TLK1: variants seen among roughly 807,000 people sequenced by gnomAD.
TLK1 encodes serine/threonine-protein kinase tousled-like 1.
TLK1 carries 24 observed loss-of-function variants against 105.3 expected under a neutral mutation model. The ratio of observed to expected loss-of-function variants is 0.23; its 90% confidence interval spans 0.17 to 0.32. TLK1 has a LOEUF of 0.32. Ranked by LOEUF, TLK1 falls within the 10% of genes least tolerant of loss-of-function variation. TLK1 has a pLI of 1.00. For synonymous variants in TLK1, 321 were observed against 310.4 expected (o/e 1.03, Z -0.36); for missense variants, 558 against 910.5 (o/e 0.61, Z 4.98).
intron 1 of TLK1, among the ~76,000 whole-genome samples, chr2:171,220,676 A>G (rs1420412410): frequency 1.3e-5 from 2 of 151,902 alleles, no homozygotes; most frequent in African/African-American, 4.8e-5. Flanking sequence ...TCAACTAGCC[A>G]GCCAAGTTTC....
chr2:171,215,815 G>T (rs923314553), intron 1 of TLK1, among the ~76,000 whole-genome samples: 2 of 152,142 alleles, frequency 1.3e-5, no homozygotes, highest in African/African-American at 4.8e-5. Context: ...TTAGAAGGAG[G>T]CCCCAGCGGG....
At chr2:171,126,528 A>T (rs1195746894) in intron 1 of TLK1, among the ~76,000 whole-genome samples, 1 of 152,152 alleles carries the variant, frequency 6.6e-6, no homozygotes, top group Non-Finnish European at 1.5e-5. Context: ...TCATTATATA[A>T]TTTTTTAGTT....
chr2:171,129,502 G>GAA (rs369393906), intron 1 of TLK1, among the ~76,000 whole-genome samples: 10 of 152,226 alleles, frequency 6.6e-5, no homozygotes, highest in African/African-American at 2.4e-4. Context: ...AGTCCAAGTT[G>GAA]AATACGATCT....
At chr2:171,193,490 A>G (rs1339793008) in intron 1 of TLK1, among the ~76,000 whole-genome samples, 3 of 145,582 alleles carry the variant, frequency 2.1e-5, no homozygotes, top group East Asian at 2.0e-4. Flanking sequence ...TCCGCCTCCC[A>G]GGTTCACGCC....
intron 3 of TLK1, among the ~76,000 whole-genome samples, chr2:171,076,905 T>G (rs1006105936): frequency 6.6e-6 from 1 of 151,168 alleles, no homozygotes; most frequent in Non-Finnish European, 1.5e-5. Context: ...CGAGTGAGAC[T>G]CTGTCTCAAA....
chr2:171,163,139 A>G (rs553316020), upstream of TLK1, among the ~76,000 whole-genome samples: 121 of 152,326 alleles, frequency 7.9e-4, no homozygotes, highest in Middle Eastern at 6.8e-3. Context: ...AGATTCGTCC[A>G]CATTGTTGCA....
intron 1 of TLK1, among the ~76,000 whole-genome samples, chr2:171,172,557 G>T (rs1021733718): frequency 5.3e-5 from 8 of 152,118 alleles, no homozygotes; most frequent in African/African-American, 1.7e-4. Flanking sequence ...TGGAGGTGGG[G>T]CCTGGTGGGA....
intron 2 of TLK1, among the ~76,000 whole-genome samples, chr2:171,097,205 G>C (rs1689488117): frequency 6.6e-6 from 1 of 152,166 alleles, no homozygotes; most frequent in South Asian, 2.1e-4. Context: ...TTTGGCAAAA[G>C]TGCCGAGAAC....
At chr2:171,152,349 T>TG (rs1273210220) in intron 1 of TLK1, among the ~76,000 whole-genome samples, 1 of 152,206 alleles carries the variant, frequency 6.6e-6, no homozygotes, top group Non-Finnish European at 1.5e-5. Flanking sequence ...TCAGACCTAA[T>TG]GATGAAGCCA....
chr2:171,001,185 T>G (rs10173931), intron 18 of TLK1, among the ~76,000 whole-genome samples: 24,004 of 152,172 alleles, frequency 0.16, 3,646 homozygotes, highest in African/African-American at 0.39. Flanking sequence ...TCTTCAGTGG[T>G]GTAATCCTTC....
Position 171,118,023 on chromosome 2 carries a change from T to G in TLK1, c.140-166A>C, listed in dbSNP as rs566922064. Among the ~76,000 whole-genome samples the G allele has an allele frequency of 5.3e-5, 8 of 152,304 alleles. No individual in the cohort carries two copies. The East Asian group carries it at 1.5e-3, about 29-fold the overall frequency. The stretch of plus-strand genomic sequence containing the variant: ...TTATTTTTAAATGTACACATCAACT[T>G]ATCAAAACATCCTACAATGGATTTC... On this transcript the variant is annotated intron_variant, in intron 1 of 20. Coordinates refer to ENST00000431350, the MANE Select transcript of TLK1 (RefSeq NM_012290.5).
intron 12 of TLK1, among the ~76,000 whole-genome samples, chr2:171,027,076 C>G (rs1685809427): frequency 6.6e-6 from 1 of 152,088 alleles, no homozygotes; most frequent in Admixed American, 6.5e-5. Context: ...TAATAATTTT[C>G]TATTCCCTAT....
At chr2:171,181,475 G>A (rs1692927340) in intron 1 of TLK1, among the ~76,000 whole-genome samples, 1 of 152,294 alleles carries the variant, frequency 6.6e-6, no homozygotes, top group African/African-American at 2.4e-5. Flanking sequence ...GAATGCCTGA[G>A]GGTGGGTAAT....
At chr2:171,152,555 T>C (rs1692084304) in intron 1 of TLK1, among the ~76,000 whole-genome samples, 1 of 152,298 alleles carries the variant, frequency 6.6e-6, no homozygotes. Context: ...AATAAAAGAA[T>C]TAAAACTAAG....
At chr2:171,224,658 A>T (rs1375414480) in intron 1 of TLK1, among the ~76,000 whole-genome samples, 1 of 152,234 alleles carries the variant, frequency 6.6e-6, no homozygotes, top group Admixed American at 6.5e-5. Context: ...CAAAATCCCT[A>T]TAAAAATCCC....
rs1685065690 is a variant in TLK1, at chr2:171,014,264, AAAT to A, written c.1334+584_1334+586del. Among the ~76,000 whole-genome samples the A allele has an allele frequency of 2.6e-5, 4 of 152,236 alleles. No individual in the cohort carries two copies. The South Asian group carries it at 8.3e-4, about 31-fold the overall frequency. The stretch of plus-strand genomic sequence containing the variant: ...AGCTTACATTCTAGAGGGAGGAGAC[AAAT>A]AATAACTAAAAAATAAATTTATAAT... On this transcript the variant is annotated intron_variant, in intron 13 of 20. Coordinates refer to ENST00000431350, the MANE Select transcript of TLK1 (RefSeq NM_012290.5).
rs770825736 is a variant in TLK1, at chr2:171,059,883, G to A, written c.406+1198C>T. ...TAACGCTGCCGCTGATCTGACAGGA[G>A]GCCGAGCTTAGGCGGTAATGCTCAC... On this transcript the variant is annotated intron_variant, in intron 4 of 20. Transcript: ENST00000431350. 2.4e-5 allele frequency: 24 copies of A among 996,466 alleles called. 1 individual carries two copies. In the South Asian group the frequency reaches 2.9e-4, roughly 12 times the overall value. The allele number at this position is 996,466 out of a possible 1,614,324, so 61.7% of individuals were successfully genotyped here. A position where few individuals can be genotyped will look rare whatever the true frequency, so the allele number is the denominator to read the frequency against.
intron 4 of TLK1, chr2:171,059,773 A>G: frequency 1.6e-6 from 1 of 619,336 alleles, no homozygotes; most frequent in Admixed American, 2.3e-5. Flanking sequence ...TCAGATCATC[A>G]GGCATTAGAT....
intron 1 of TLK1, among the ~76,000 whole-genome samples, chr2:171,176,973 C>T (rs1434789633): frequency 6.6e-6 from 1 of 151,990 alleles, no homozygotes; most frequent in Non-Finnish European, 1.5e-5. Context: ...GCTGGGATTA[C>T]AGGTGCCTGC....
Sources: gnomAD v4.1 joint callset for allele counts (sites outside exome capture counted in the v4.1 genomes callset) on GRCh38, gnomAD v4.1.1 for gene constraint, MANE v1.5 for transcripts, NCBI Gene and HGNC (gene_info 2026-07-23, HGNC 2026-07-21) for gene names.